The following PPFIA2 variants were observed in gnomAD, a reference collection of about 807,000 sequenced individuals.
The protein encoded by PPFIA2 is liprin-alpha-2.
Under a neutral mutation model 175.5 loss-of-function variants are expected in PPFIA2, and 46 were observed. That is an observed-to-expected ratio of 0.26 (90% CI 0.21 to 0.34). The LOEUF (loss-of-function observed/expected upper bound fraction) is 0.34, where lower values mean the gene tolerates loss of function less well. Among genes scored for constraint, PPFIA2 ranks in the 10% least tolerant of loss-of-function variants. The probability of loss-of-function intolerance (pLI) is 1.00; values close to 1 mark genes in which losing one functional copy is unlikely to be tolerated. For missense variants in PPFIA2, 1,179 were observed against 1,506.1 expected, an observed-to-expected ratio of 0.78 and a Z score of 3.60; for synonymous variants, 568 against 511.4, an observed-to-expected ratio of 1.11 and a Z score of -1.49.
At chr12:81,566,037 A>C (rs897617850) in intron 4 of PPFIA2, among the ~76,000 whole-genome samples, 4 of 152,200 alleles carry the variant, frequency 2.6e-5, no homozygotes, top group African/African-American at 9.6e-5. Context: ...TTAGTTCATA[A>C]GGCAAAAGTC....
At chr12:81,379,484 CAGG>C (rs2037157049) in intron 9 of PPFIA2, among the ~76,000 whole-genome samples, 1 of 152,068 alleles carries the variant, frequency 6.6e-6, no homozygotes, top group African/African-American at 2.4e-5. Context: ...GTTGGAAATA[CAGG>C]ATGGTTTTAT....
chr12:81,538,466 A>G (rs2065727287), intron 4 of PPFIA2, among the ~76,000 whole-genome samples: 1 of 151,932 alleles, frequency 6.6e-6, no homozygotes, highest in Admixed American at 6.6e-5. Flanking sequence ...TTTATGTAAC[A>G]GAGAGAAGAT....
At chr12:81,608,583 A>G (rs1410328541) in intron 4 of PPFIA2, among the ~76,000 whole-genome samples, 1 of 151,892 alleles carries the variant, frequency 6.6e-6, no homozygotes, top group Non-Finnish European at 1.5e-5. Flanking sequence ...GTGTGCATAG[A>G]GTTGCTTGTA....
At chr12:81,661,524 T>C (rs2068869445) in intron 4 of PPFIA2, among the ~76,000 whole-genome samples, 1 of 152,116 alleles carries the variant, frequency 6.6e-6, no homozygotes, top group African/African-American at 2.4e-5. Context: ...ATGCGCCCAA[T>C]ACAGGAACAC....
At chr12:81,318,021 A>C (rs1004569841) in intron 22 of PPFIA2, among the ~76,000 whole-genome samples, 3 of 151,682 alleles carry the variant, frequency 2.0e-5, no homozygotes, top group Admixed American at 2.0e-4. Context: ...ATTGCTAATA[A>C]TTCTCCTACA....
chr12:81,327,222 G>A (rs2139853398), intron 21 of PPFIA2, among the ~76,000 whole-genome samples: 1 of 152,058 alleles, frequency 6.6e-6, no homozygotes, highest in East Asian at 1.9e-4. Flanking sequence ...TTGCTGTATA[G>A]ATCTAATTCA....
chr12:81,666,411 C>A (rs1329361418), intron 4 of PPFIA2, among the ~76,000 whole-genome samples: 11 of 152,138 alleles, frequency 7.2e-5, no homozygotes, highest in African/African-American at 2.7e-4. Flanking sequence ...CACATATACA[C>A]CATGGAATAT....
chr12:81,640,315 A>C (rs1462849936), intron 4 of PPFIA2, among the ~76,000 whole-genome samples: 1 of 152,138 alleles, frequency 6.6e-6, no homozygotes. Context: ...CTGTAGAGGA[A>C]TAAGATTCTA....
chr12:81,276,109 GGATT>G (rs2040463322), intron 28 of PPFIA2, among the ~76,000 whole-genome samples: 1 of 152,006 alleles, frequency 6.6e-6, no homozygotes, highest in South Asian at 2.1e-4. Flanking sequence ...CAACAAAAGT[GGATT>G]GATTATTTTT....
At chr12:81,683,991 A>C (rs2074070402) in intron 3 of PPFIA2, among the ~76,000 whole-genome samples, 1 of 152,028 alleles carries the variant, frequency 6.6e-6, no homozygotes, top group Admixed American at 6.6e-5. Flanking sequence ...ACTCACCCCC[A>C]AGGGAGGGCA....
At chr12:81,494,816 T>C (rs1401987416) in intron 4 of PPFIA2, among the ~76,000 whole-genome samples, 1 of 150,980 alleles carries the variant, frequency 6.6e-6, no homozygotes, top group African/African-American at 2.4e-5. Context: ...AAATTGGAAA[T>C]CATCATTCTC....
At chr12:81,435,774 G>T (rs988297621) in intron 7 of PPFIA2, among the ~76,000 whole-genome samples, 1 of 151,934 alleles carries the variant, frequency 6.6e-6, no homozygotes, top group Admixed American at 6.6e-5. Context: ...TTAATTATCC[G>T]TTCTGAATTT....
intron 23 of PPFIA2, among the ~76,000 whole-genome samples, chr12:81,295,649 T>C (rs1246798793): frequency 6.6e-6 from 1 of 152,072 alleles, no homozygotes; most frequent in Non-Finnish European, 1.5e-5. Flanking sequence ...AAAACTCAAA[T>C]CATTGAAAAA....
At chr12:81,396,881 AT>A (rs1192533376) in intron 8 of PPFIA2, among the ~76,000 whole-genome samples, 1 of 152,010 alleles carries the variant, frequency 6.6e-6, no homozygotes, top group African/African-American at 2.4e-5. Flanking sequence ...TTCTGGATAT[AT>A]TTTGAAGGTA....
At chr12:81,475,448 T>C (rs923848421) in intron 4 of PPFIA2, among the ~76,000 whole-genome samples, 2 of 152,224 alleles carry the variant, frequency 1.3e-5, no homozygotes, top group African/African-American at 4.8e-5. Context: ...TTATTTTATA[T>C]AATGTGTTTT....
intron 4 of PPFIA2, among the ~76,000 whole-genome samples, chr12:81,670,089 A>G (rs1044028640): frequency 1.3e-5 from 2 of 151,892 alleles, no homozygotes; most frequent in African/African-American, 4.8e-5. Flanking sequence ...TGAGAGGGGA[A>G]AATAGCAGGA....
chr12:81,302,268 C>G, intron 22 of PPFIA2: 1 of 372,654 alleles, frequency 2.7e-6, no homozygotes, highest in East Asian at 7.7e-5. Flanking sequence ...TTATTTCCCA[C>G]TTTCTCACAA....
At chr12:81,338,421 G>A (rs1031539458) in intron 21 of PPFIA2, among the ~76,000 whole-genome samples, 4 of 151,852 alleles carry the variant, frequency 2.6e-5, no homozygotes, top group African/African-American at 7.3e-5. Flanking sequence ...GTATATATCT[G>A]CTTATTTCTA....
At chr12:81,633,996 T>C (rs141526202) in intron 4 of PPFIA2, among the ~76,000 whole-genome samples, 18 of 152,216 alleles carry the variant, frequency 1.2e-4, no homozygotes, top group African/African-American at 3.8e-4. Context: ...AGCACTCTCT[T>C]GTGTTAAACT....
Sources: gnomAD v4.1 joint callset for allele counts (sites outside exome capture counted in the v4.1 genomes callset) on GRCh38, gnomAD v4.1.1 for gene constraint, MANE v1.5 for transcripts, NCBI Gene and HGNC (gene_info 2026-07-23, HGNC 2026-07-21) for gene names.